The following SCRIB variants were observed in gnomAD, a reference collection of about 807,000 sequenced individuals.
SCRIB encodes the protein scribble planar cell polarity protein.
In SCRIB, 72 loss-of-function variants were observed where a neutral mutation model predicts 170.0. That is an observed-to-expected ratio of 0.42 (90% CI 0.35 to 0.52). The LOEUF is 0.52. Ranked by LOEUF, SCRIB falls within the 20% of genes least tolerant of loss-of-function variation. The pLI, the probability that SCRIB is intolerant of heterozygous loss-of-function variation, is 0.02. For synonymous variants in SCRIB, 1,298 were observed against 1,044.3 expected, an observed-to-expected ratio of 1.24 and a Z score of -4.68; for missense variants, 2,475 against 2,338.5, an observed-to-expected ratio of 1.06 and a Z score of -1.20.
At chr8:143,809,076 A>G (rs751465940) in intron 14 of SCRIB, 51 bp from the exon 15 acceptor site, 1 of 1,560,810 alleles carries the variant, frequency 6.4e-7, no homozygotes, top group Non-Finnish European at 8.6e-7. Flanking sequence ...CTGTGCTTCC[A>G]CAGGAAGACC....
At chr8:143,800,735 G>A (rs782272674) in intron 24 of SCRIB, among the ~76,000 whole-genome samples, 4 of 152,238 alleles carry the variant, frequency 2.6e-5, no homozygotes, top group East Asian at 1.9e-4. Context: ...ACAATGAGCC[G>A]GGTGTGGTGG....
chr8:143,811,234 G>C lies in SCRIB; in HGVS notation c.1018C>G (p.Leu340Val). ...GCCAGGCGGTTGTCCCTCAAGGAGA[G>C]GACGCTGAGTGCCACACAGCCCCCG... The part of the protein sequence containing the change: ...EIGGCVALSV[L>V]SLRDNRLAVL... The change falls in exon 10 of 37, where the codon CTC (leucine) becomes GTC (valine). Residue 340 changes from leucine (L) to valine (V), a missense_variant. By Grantham distance (32) the Leu-to-Val change is conservative. Transcript: ENST00000356994. 6.2e-7 allele frequency: 1 copy of C among 1,611,280 alleles called. No homozygotes were observed. Among genetic ancestry groups the C allele is most frequent in the Non-Finnish European group, 8.5e-7 (1 of 1,179,300 alleles).
intron 32 of SCRIB, 23 bp downstream of exon 32, chr8:143,792,197 G>A (rs782722114): frequency 2.0e-5 from 31 of 1,548,404 alleles, no homozygotes; most frequent in African/African-American, 2.7e-5. Context: ...AGGGCGGGGT[G>A]GCGACCCCAC....
Position 143,805,450 on chromosome 8 carries a change from C to T in SCRIB, c.2347-15G>A, listed in dbSNP as rs1815382178. 1 of 1,470,546 alleles carries T rather than the reference C, an allele frequency of 6.8e-7. No homozygotes were observed. The allele number at this position is 1,470,546 out of a possible 1,614,324, so 91.1% of individuals were successfully genotyped here. A position where few individuals can be genotyped will look rare whatever the true frequency, so the allele number is the denominator to read the frequency against. On this transcript the variant is annotated splice_polypyrimidine_tract_variant and intron_variant, in intron 18 of 36. Transcript: ENST00000356994. Reference sequence around the variant, plus strand: ...ACACCATTCACCTGCGGGCCAGGGACCACGTGCGTATTCAGGACCCAGTGC... The same window carrying T: ...ACACCATTCACCTGCGGGCCAGGGATCACGTGCGTATTCAGGACCCAGTGC...
Position 143,792,002 on chromosome 8 carries a change from G to A in SCRIB, c.4646C>T (p.Thr1549Ile). Residue 1549 changes from threonine to isoleucine, a missense_variant, in exon 33 of 37, where the codon ACC (threonine) becomes ATC (isoleucine). This residue lies in a region of SCRIB where 1,966 missense variants were observed against 1,742.9 expected (regional missense o/e 1.13). Transcript: ENST00000356994. ...APSPAPTPSP[T>I]PVEDLGPQTS... is the part of the protein sequence containing the mutation. ...CCTGACCCACAGACCTTCCACAGGG[G>A]TGGGCGACGGGGTGGGCGCAGGGGA... 2 of 1,526,122 alleles carry A rather than the reference G, an allele frequency of 1.3e-6. No homozygotes were observed. Among genetic ancestry groups the A allele is most frequent in the Non-Finnish European group, 1.8e-6 (2 of 1,138,340 alleles). The allele number at this position is 1,526,122 out of a possible 1,614,324, so 94.5% of individuals were successfully genotyped here.
intron 5 of SCRIB, 38 bp downstream of exon 5, chr8:143,813,432 C>G: frequency 6.2e-7 from 1 of 1,613,068 alleles, no homozygotes; most frequent in Non-Finnish European, 8.5e-7. Flanking sequence ...GGGCTGTGGC[C>G]CTGCCCTGGC....
Position 143,807,595 on chromosome 8 carries a change from G to C in SCRIB, c.2135C>G (p.Ala712Gly). ...AGCAGGCTCTATCAGCAGGTTATTG[G>C]CCTGGTCAAACGACACTCCCTGTTA... is the stretch of plus-strand genomic sequence containing the variant. The part of the protein sequence containing the change: ...PSVKGVSFDQ[A>G]NNLLIEPARI... The change falls in exon 16 of 37, where the codon GCC becomes GGC. Residue 712 changes from alanine to glycine, a missense_variant. By Grantham distance (60) the Ala-to-Gly change is moderately conservative. Around this residue, in one of 3 missense-constraint regions of SCRIB, gnomAD observed 1,966 missense variants for 1,742.9 expected, o/e 1.13. Coordinates refer to ENST00000356994, the MANE Select transcript of SCRIB (RefSeq NM_182706.5). The C allele has an allele frequency of 6.2e-7, 1 of 1,613,898 alleles. No homozygotes were observed. The highest frequency in any genetic ancestry group is 8.5e-7 in the Non-Finnish European group (1 of 1,179,878).
Position 143,815,539 on chromosome 8 carries a change from C to G in SCRIB, c.-167G>C. On this transcript the variant is annotated 5_prime_UTR_variant, in exon 1 of 37. Transcript: ENST00000356994. The stretch of plus-strand genomic sequence containing the variant: ...GCCGCGGCCGGCGCTGGGCCCGGCC[C>G]GCGCTCGGAACGCTCGGACTGCGGG... 2 of 981,122 alleles carry G rather than the reference C, an allele frequency of 2.0e-6. No individual in the cohort carries two copies. The highest frequency in any genetic ancestry group is 4.7e-5 in the South Asian group (1 of 21,272). The allele number at this position is 981,122 out of a possible 1,614,324, so 60.8% of individuals were successfully genotyped here.
In SCRIB at chr8:143,795,487, C is replaced by T. The variant is rs182360240; in HGVS notation, c.3647G>A (p.Gly1216Asp). 3 of 1,613,016 alleles carry T rather than the reference C, an allele frequency of 1.9e-6. No homozygotes were observed. In the Admixed American group the frequency reaches 5.0e-5, roughly 27 times the overall value. ...VIANPFAAGI[G>D]HRNSLESISS... ...GATGCTCTCCAGGCTGTTCCGGTGG[C>T]CGATGCCTGCCGCAAAGGGGTTGGC... The change falls in exon 25 of 37, where the codon GGC (glycine) becomes GAC (aspartate). Residue 1216 changes from glycine (G) to aspartate (D), a missense_variant. Physicochemically the swap from Gly to Asp is moderately conservative, Grantham distance 94 (BLOSUM62 -1). Around this residue, in one of 3 missense-constraint regions of SCRIB, gnomAD observed 1,966 missense variants for 1,742.9 expected, o/e 1.13. Transcript: ENST00000356994.
rs1426542970 is a variant in SCRIB, at chr8:143,809,654, G to A, written c.1595C>T (p.Ser532Phe). ...CGACGGGCCCTCGGGCTCAGCCTCA[G>A]AGACTGTGCTGGCAGATGGGCGAGA... is the stretch of plus-strand genomic sequence containing the variant. ...EDSRPSASTV[S>F]EAEPEGPSAE... The change falls in exon 14 of 37, where the codon TCT becomes TTT. Residue 532 changes from serine to phenylalanine, a missense_variant. Physicochemically the swap from Ser to Phe is radical, Grantham distance 155. This residue lies in a region of SCRIB where 1,966 missense variants were observed against 1,742.9 expected (regional missense o/e 1.13). Coordinates refer to ENST00000356994, the MANE Select transcript of SCRIB (RefSeq NM_182706.5). 6.2e-7 allele frequency: 1 copy of A among 1,611,494 alleles called. No individual in the cohort carries two copies. Among genetic ancestry groups the A allele is most frequent in the Non-Finnish European group, 8.5e-7 (1 of 1,179,942 alleles).
intron 21 of SCRIB, 126 bp downstream of exon 21, chr8:143,804,442 G>T: frequency 9.7e-7 from 1 of 1,029,944 alleles, no homozygotes; most frequent in Non-Finnish European, 1.4e-6. Context: ...GAGCTGCAGG[G>T]GAAAGGGCGA....
At chr8:143,811,991 C>G (rs543072931) in intron 9 of SCRIB, among the ~76,000 whole-genome samples, 1 of 152,292 alleles carries the variant, frequency 6.6e-6, no homozygotes, top group African/African-American at 2.4e-5. Context: ...CCATTCCTGC[C>G]TCTTCTGTAA....
rs896843765 is a variant in SCRIB, at chr8:143,815,605, G to A, written c.-233C>T. 9.6e-5 allele frequency: 94 copies of A among 982,068 alleles called. No homozygotes were observed. Among genetic ancestry groups the A allele is most frequent in the Non-Finnish European group, 1.1e-4 (91 of 828,576 alleles). The allele number at this position is 982,068 out of a possible 1,614,324, so 60.8% of individuals were successfully genotyped here. On this transcript the variant is annotated 5_prime_UTR_variant, in exon 1 of 37. Transcript: ENST00000356994. ...CGGCCCGGCGGGTCTCAGACTCTTA[G>A]GAAGCGCGGGGAGCGGCGGCGGCGG...
intron 28 of SCRIB, chr8:143,793,401 A>C: frequency 3.4e-5 from 8 of 235,610 alleles, no homozygotes; most frequent in South Asian, 1.4e-4. Flanking sequence ...GTTTAAGGCA[A>C]GGGACGGGGG....
At chr8:143,800,278 G>A (rs1011208986) in intron 24 of SCRIB, among the ~76,000 whole-genome samples, 2 of 152,086 alleles carry the variant, frequency 1.3e-5, no homozygotes, top group African/African-American at 4.8e-5. Context: ...ACCCGCTTCA[G>A]ATAACAATTC....
At chr8:143,791,509 G>A in intron 35 of SCRIB, 69 bp from the exon 36 acceptor site, 1 of 1,593,840 alleles carries the variant, frequency 6.3e-7, no homozygotes, top group Non-Finnish European at 8.6e-7. Context: ...GGACGGGTGG[G>A]CTCCCAGCCC....
At chr8:143,810,367 C>T in intron 13 of SCRIB, 112 bp downstream of exon 13, 1 of 1,457,862 alleles carries the variant, frequency 6.9e-7, no homozygotes, top group South Asian at 1.3e-5. Context: ...AGCCTCATCT[C>T]CTGCTCCTTC....
At position 143,792,346 on chromosome 8, in the gene SCRIB, G is replaced by C; in HGVS notation, c.4388C>G (p.Ala1463Gly). 6.5e-7 allele frequency: 1 copy of C among 1,540,104 alleles called. No individual in the cohort carries two copies. Among genetic ancestry groups the C allele is most frequent in the South Asian group, 1.2e-5 (1 of 84,690 alleles). Reference sequence around the variant, plus strand: ...CAGCCGCTCCTGGTGGCGCCGTTCAGCTTTGGCCGTCCGCACCGGGGCGCC... The same window carrying C: ...CAGCCGCTCCTGGTGGCGCCGTTCACCTTTGGCCGTCCGCACCGGGGCGCC... Reference protein sequence around the residue: ...GGGAPVRTAKAERRHQERLRV... With the variant: ...GGGAPVRTAKGERRHQERLRV... The change falls in exon 32 of 37, where the codon GCT becomes GGT. Residue 1463 changes from alanine to glycine, a missense_variant. Ala to Gly is a moderately conservative substitution (Grantham distance 60). Coordinates refer to ENST00000356994, the MANE Select transcript of SCRIB (RefSeq NM_182706.5).
At chr8:143,797,071 C>T (rs534368139) in intron 24 of SCRIB, among the ~76,000 whole-genome samples, 2 of 152,238 alleles carry the variant, frequency 1.3e-5, no homozygotes, top group African/African-American at 4.8e-5. Context: ...CTAAAAGGAT[C>T]CAGCGCTCCT....
Sources: allele counts gnomAD v4.1 joint callset (sites outside exome capture counted in the v4.1 genomes callset), GRCh38; gene constraint gnomAD v4.1.1; regional missense constraint gnomAD v4.1.1; transcripts MANE v1.5; gene names NCBI Gene and HGNC (gene_info 2026-07-23, HGNC 2026-07-21).